SAMMSON: variants seen among roughly 807,000 people sequenced by gnomAD.
SAMMSON encodes long intergenic non-protein coding RNA 1212.
At chr3:70,007,075 C>G (rs2066930610) in intron 1 of SAMMSON, among the ~76,000 whole-genome samples, 1 of 152,096 alleles carries the variant, frequency 6.6e-6, no homozygotes, top group Non-Finnish European at 1.5e-5. Context: ...GGTTCCAAGT[C>G]TTTGCTATTG....
intron 6 of SAMMSON, among the ~76,000 whole-genome samples, chr3:70,252,317 C>A (rs1044955790): frequency 7.9e-5 from 12 of 152,062 alleles, no homozygotes; most frequent in African/African-American, 2.7e-4. Flanking sequence ...TATGGTGTGG[C>A]GTACAATTCT....
At chr3:70,393,673 T>C (rs1228874987), downstream of SAMMSON, among the ~76,000 whole-genome samples, 1 of 152,134 alleles carries the variant, frequency 6.6e-6, no homozygotes, top group African/African-American at 2.4e-5. Context: ...AGGCTGAAGT[T>C]TGAAGGATGG....
intron 4 of SAMMSON, among the ~76,000 whole-genome samples, chr3:70,196,518 A>G (rs1012824631): frequency 6.6e-6 from 1 of 152,236 alleles, no homozygotes; most frequent in Non-Finnish European, 1.5e-5. Context: ...CATTAGAAAG[A>G]CGAGCTAATG....
intron 3 of SAMMSON, among the ~76,000 whole-genome samples, chr3:70,034,190 A>C (rs1246233468): frequency 6.6e-6 from 1 of 152,164 alleles, no homozygotes; most frequent in Non-Finnish European, 1.5e-5. Flanking sequence ...ACATCAAATA[A>C]AAGTTTATAT....
At chr3:70,293,816 C>T (rs1702264632) in intron 7 of SAMMSON, among the ~76,000 whole-genome samples, 1 of 151,794 alleles carries the variant, frequency 6.6e-6, no homozygotes, top group Admixed American at 6.6e-5. Context: ...ACCTTAGGAA[C>T]CTGGTTATAT....
chr3:70,323,418 C>T lies in SAMMSON; in HGVS notation n.740-30757C>T, dbSNP rs148200698. Among the ~76,000 whole-genome samples the T allele has an allele frequency of 2.5e-3, 379 of 152,244 alleles. 10 individuals carry two copies. In the South Asian group the frequency reaches 0.037, roughly 15 times the overall value. ...ATGGTGACACCAGGATGTTTTCTTA[C>T]ATCACTGTATGCTTCCTCTTTGCAA... On this transcript the variant is annotated intron_variant and non_coding_transcript_variant, in intron 7 of 9. Transcript: ENST00000642114.
At chr3:70,161,140 A>T (rs2067613802) in intron 4 of SAMMSON, among the ~76,000 whole-genome samples, 1 of 151,766 alleles carries the variant, frequency 6.6e-6, no homozygotes, top group Admixed American at 6.6e-5. Flanking sequence ...TCCAGCCTAG[A>T]TGTCTTTCTT....
intron 3 of SAMMSON, chr3:70,069,258 G>C (rs757514670): frequency 6.6e-6 from 1 of 151,986 alleles, no homozygotes; most frequent in Non-Finnish European, 1.5e-5. Flanking sequence ...TGGTTCAAAT[G>C]GCTTATTTTA....
chr3:70,102,225 T>A (rs1390071885), intron 4 of SAMMSON, among the ~76,000 whole-genome samples: 1 of 152,176 alleles, frequency 6.6e-6, no homozygotes, highest in African/African-American at 2.4e-5. Context: ...TTTTCTCCTC[T>A]TCTCTATTCT....
chr3:70,163,350 T>TAG (rs1484681896), intron 4 of SAMMSON, among the ~76,000 whole-genome samples: 7 of 147,570 alleles, frequency 4.7e-5, no homozygotes, highest in African/African-American at 1.7e-4. Context: ...AGAATATATA[T>TAG]ATATAGAGAG....
chr3:70,300,408 C>T lies in SAMMSON; in HGVS notation n.739+9165C>T, dbSNP rs568970515. 1.6e-4 allele frequency among the ~76,000 whole-genome samples: 24 copies of T among 152,026 alleles called. No individual in the cohort carries two copies. In the South Asian group the frequency reaches 4.6e-3, roughly 29 times the overall value. On this transcript the variant is annotated intron_variant and non_coding_transcript_variant, in intron 7 of 9. Coordinates refer to ENST00000642114, the Ensembl canonical transcript of SAMMSON. The stretch of plus-strand genomic sequence containing the variant: ...TTTGATTCTCTCATTTAAACTACCA[C>T]GTTATCTTACAAATTGAAGATATCC...
chr3:70,040,990 C>T (rs1044609386), intron 3 of SAMMSON, among the ~76,000 whole-genome samples: 2 of 152,072 alleles, frequency 1.3e-5, no homozygotes, highest in African/African-American at 4.8e-5. Flanking sequence ...CTGCTAAACT[C>T]TCAGCGAGCT....
intron 4 of SAMMSON, among the ~76,000 whole-genome samples, chr3:70,087,781 G>C (rs1037641690): frequency 2.0e-5 from 3 of 152,234 alleles, no homozygotes; most frequent in African/African-American, 7.2e-5. Flanking sequence ...GAACTTCACT[G>C]TCTATAGCAG....
At chr3:70,107,114 C>T (rs143006653) in intron 4 of SAMMSON, among the ~76,000 whole-genome samples, 29 of 152,196 alleles carry the variant, frequency 1.9e-4, no homozygotes, top group Admixed American at 3.3e-4. Flanking sequence ...ATTTAAACTA[C>T]GTAGAGGGGG....
chr3:70,384,805 G>A (rs369887125), intron 9 of SAMMSON, among the ~76,000 whole-genome samples: 21 of 151,992 alleles, frequency 1.4e-4, no homozygotes, highest in East Asian at 9.6e-4. Context: ...ATAAAATAAG[G>A]ATTTTTTTCG....
At chr3:70,234,113 C>G (rs548250190) in intron 4 of SAMMSON, among the ~76,000 whole-genome samples, 7 of 152,258 alleles carry the variant, frequency 4.6e-5, no homozygotes, top group Admixed American at 1.3e-4. Flanking sequence ...GGAGTCATAT[C>G]TAATGAGACC....
chr3:70,068,138 A>G (rs931010486), intron 3 of SAMMSON: 1 of 152,036 alleles, frequency 6.6e-6, no homozygotes, highest in African/African-American at 2.4e-5. Flanking sequence ...CAAACTAAGA[A>G]TAACTCTTTT....
intron 4 of SAMMSON, among the ~76,000 whole-genome samples, chr3:70,178,852 T>C (rs989779440): frequency 6.6e-6 from 1 of 151,820 alleles, no homozygotes; most frequent in African/African-American, 2.4e-5. Flanking sequence ...TTACCAAAAA[T>C]ACAAAAAAAT....
rs560565247 is a variant in SAMMSON, at chr3:70,214,692, G to A, written n.508-34415G>A. ...TACTTTGCACCTGTAGACAGACATA[G>A]GCTAAGTGATGTACTTTTATAGCTA... On this transcript the variant is annotated intron_variant and non_coding_transcript_variant, in intron 4 of 9. Coordinates refer to ENST00000642114, the Ensembl canonical transcript of SAMMSON. Among the ~76,000 whole-genome samples, 171 of 151,114 alleles carry A rather than the reference G, an allele frequency of 1.1e-3. 1 individual carries two copies. Among genetic ancestry groups the A allele is most frequent in the South Asian group, 9.6e-3 (46 of 4,774 alleles).
Sources: allele counts gnomAD v4.1 joint callset (sites outside exome capture counted in the v4.1 genomes callset), GRCh38; gene constraint gnomAD v4.1.1; transcripts MANE v1.5; gene names NCBI Gene and HGNC (gene_info 2026-07-23, HGNC 2026-07-21).